The following MAP7D2 variants were observed in gnomAD, a reference collection of about 807,000 sequenced individuals.
MAP7D2 encodes the protein MAP7 domain-containing protein 2.
In MAP7D2, 33 loss-of-function variants were observed where a neutral mutation model predicts 63.5. That is an observed-to-expected ratio of 0.52 (90% CI 0.39 to 0.70). The LOEUF is 0.70. Among genes scored for constraint, MAP7D2 ranks in the 30% least tolerant of loss-of-function variants. The pLI, the probability that MAP7D2 is intolerant of heterozygous loss-of-function variation, is 0.00. For synonymous variants in MAP7D2, 224 were observed against 223.7 expected, an observed-to-expected ratio of 1.00 and a Z score of -0.01; for missense variants, 626 against 604.0, an observed-to-expected ratio of 1.04 and a Z score of -0.38.
At chrX:20,068,636 C>G (rs1435993895) in intron 1 of MAP7D2, among the ~76,000 whole-genome samples, 2 of 111,914 alleles carry the variant, frequency 1.8e-5, no homozygotes, top group African/African-American at 6.5e-5. Flanking sequence ...CCAGTTATTA[C>G]CAAAACACAG....
intron 4 of MAP7D2, 46 bp from the exon 5 acceptor site, chrX:20,053,034 T>C (rs1279728966): frequency 3.1e-6 from 3 of 963,013 alleles, no homozygotes; most frequent in South Asian, 3.9e-5. Flanking sequence ...CACACTACTG[T>C]AGAACCAAGA....
At chrX:20,025,989 G>A (rs1333649101) in intron 8 of MAP7D2, 37 bp from the exon 9 acceptor site, 1 of 1,185,102 alleles carries the variant, frequency 8.4e-7, no homozygotes, top group Admixed American at 2.2e-5. Flanking sequence ...ATGATTACTG[G>A]GCCTGAACAC....
intron 8 of MAP7D2, among the ~76,000 whole-genome samples, chrX:20,032,225 G>A (rs2074071023): frequency 8.9e-6 from 1 of 112,329 alleles, no homozygotes; most frequent in Admixed American, 9.4e-5. Flanking sequence ...AGATATGGCT[G>A]CAAGGAGGGG....
chrX:20,037,491 G>A (rs1056888767), intron 8 of MAP7D2, among the ~76,000 whole-genome samples: 2 of 111,622 alleles, frequency 1.8e-5, no homozygotes, highest in Non-Finnish European at 3.8e-5. Flanking sequence ...TTTACAGATG[G>A]CTGTGGATGA....
At chrX:20,076,701 C>CAA (rs768672531) in intron 1 of MAP7D2, among the ~76,000 whole-genome samples, 1 of 71,785 alleles carries the variant, frequency 1.4e-5, no homozygotes. Context: ...AACTTAGTCT[C>CAA]AAAAAAAAAA....
rs371198244 is a variant in MAP7D2 at position 20,076,849 on chromosome X, T to A, written c.131-12044A>T. Among the ~76,000 whole-genome samples, 94 of 112,899 alleles carry A rather than the reference T, an allele frequency of 8.3e-4. 1 individual carries two copies. Among genetic ancestry groups the A allele is most frequent in the African/African-American group, 3.0e-3 (92 of 31,170 alleles). On this transcript the variant is annotated intron_variant, in intron 1 of 16. Transcript: ENST00000379643. ...GCCCACTAAATTCCCATAGGTTTCC[T>A]TTTAAAACAGCTAACTGAATTACAT...
chrX:20,055,806 G>A, intron 4 of MAP7D2: 1 of 992,192 alleles, frequency 1.0e-6, no homozygotes, highest in Non-Finnish European at 1.3e-6. Flanking sequence ...AAACCTAGAG[G>A]AGGGGGTGGG....
intron 1 of MAP7D2, among the ~76,000 whole-genome samples, chrX:20,095,190 T>A (rs1047480367): frequency 1.8e-5 from 2 of 112,001 alleles, no homozygotes; most frequent in African/African-American, 6.5e-5. Context: ...GTGAGTTATA[T>A]CTCAACAATG....
intron 1 of MAP7D2, among the ~76,000 whole-genome samples, chrX:20,088,981 C>T (rs2065995368): frequency 9.0e-6 from 1 of 111,064 alleles, no homozygotes; most frequent in Non-Finnish European, 1.9e-5. Flanking sequence ...CAGGGTTTCA[C>T]CATGTTGGCC....
intron 10 of MAP7D2, among the ~76,000 whole-genome samples, chrX:20,024,434 G>GT (rs761841340): frequency 8.9e-6 from 1 of 112,029 alleles, no homozygotes; most frequent in Non-Finnish European, 1.9e-5. Context: ...ATACCTCACT[G>GT]TTCTTAGACT....
intron 1 of MAP7D2, among the ~76,000 whole-genome samples, chrX:20,086,314 C>T (rs1372662384): frequency 8.9e-6 from 1 of 111,952 alleles, no homozygotes; most frequent in African/African-American, 3.3e-5. Flanking sequence ...CCACGGGAAC[C>T]CTGTCCTCCC....
In MAP7D2 at chrX:20,108,329, G is replaced by A. The variant is rs775144719; in HGVS notation, c.130+8421C>T. Among the ~76,000 whole-genome samples, 3 of 109,373 alleles carry A rather than the reference G, an allele frequency of 2.7e-5. No homozygotes were observed. In the South Asian group the frequency reaches 1.2e-3, roughly 44 times the overall value. 95.0% of individuals were successfully genotyped at this position (109,373 alleles called of 115,157 possible). On this transcript the variant is annotated intron_variant, in intron 1 of 16. Transcript: ENST00000379643. ...AGCTCACTGCAACCTCCACCTCCCT[G>A]GTTCAAGCGATTCTCGTGCCGCCGC...
intron 15 of MAP7D2, among the ~76,000 whole-genome samples, chrX:20,011,323 A>C (rs963166649): frequency 2.7e-5 from 3 of 111,454 alleles, no homozygotes; most frequent in African/African-American, 9.8e-5. Flanking sequence ...AAAGGGTGAA[A>C]GGACAAAAAC....
At chrX:20,105,600 A>G (rs1210161774) in intron 1 of MAP7D2, among the ~76,000 whole-genome samples, 1 of 112,113 alleles carries the variant, frequency 8.9e-6, no homozygotes, top group Admixed American at 9.5e-5. Flanking sequence ...ACAGTCAATC[A>G]GTACCTATTG....
chrX:20,094,546 A>ATATG (rs2066189202), intron 1 of MAP7D2, among the ~76,000 whole-genome samples: 7 of 8,502 alleles, frequency 8.2e-4, no homozygotes, highest in Non-Finnish European at 9.7e-4. Context: ...ATATATGTAT[A>ATATG]TATATATATA....
At chrX:20,087,795 C>A (rs1220048415) in intron 1 of MAP7D2, among the ~76,000 whole-genome samples, 2 of 109,632 alleles carry the variant, frequency 1.8e-5, no homozygotes, top group South Asian at 3.8e-4. Flanking sequence ...CAGGTCCAGG[C>A]TTAAAAACAT....
Position 20,016,120 on chromosome X carries a change from G to C in MAP7D2, c.1618C>G (p.Gln540Glu), listed in dbSNP as rs780537943. The change falls in exon 11 of 17, where the codon CAA (glutamine) becomes GAA (glutamate). Residue 540 changes from glutamine to glutamate, a missense_variant. Physicochemically the swap from Gln to Glu is conservative, Grantham distance 29. Transcript: ENST00000379643. The stretch of plus-strand genomic sequence containing the variant: ...TGCTTTTCAATCATGGCTTTCTCTT[G>C]TTTTTCTTGTTCTTGCTTTTCTTTC... ...LLKEKQEQEKQEKAMIEKQKE... is the reference protein window; with the variant it reads ...LLKEKQEQEKEEKAMIEKQKE... 4 of 1,207,435 alleles carry C rather than the reference G, an allele frequency of 3.3e-6. No individual in the cohort carries two copies. The Admixed American group carries it at 8.8e-5, about 27-fold the overall frequency.
rs1569141133 is a variant in MAP7D2, at chrX:20,094,546, A to ATG, written c.130+22203_130+22204insCA. Among the ~76,000 whole-genome samples the ATG allele has an allele frequency of 4.0e-3, 34 of 8,500 alleles. 3 individuals are homozygous for ATG. The highest frequency in any genetic ancestry group is 6.2e-3 in the Non-Finnish European group (32 of 5,179). The allele number at this position is 8,500 out of a possible 115,157, so 7.4% of individuals were successfully genotyped here. On this transcript the variant is annotated intron_variant, in intron 1 of 16. Coordinates refer to ENST00000379643, the MANE Select transcript of MAP7D2 (RefSeq NM_001168465.2). ...TATATATATATATATATATATGTAT[A>ATG]TATATATATATATATATATATACAT...
chrX:20,102,793 T>A, intron 1 of MAP7D2, among the ~76,000 whole-genome samples: 1 of 109,474 alleles, frequency 9.1e-6, no homozygotes, highest in South Asian at 4.1e-4. Flanking sequence ...GGAGTCGTTC[T>A]AAGCTATGTG....
Sources: gnomAD v4.1 joint callset for allele counts (sites outside exome capture counted in the v4.1 genomes callset) on GRCh38, gnomAD v4.1.1 for gene constraint, MANE v1.5 for transcripts, NCBI Gene and HGNC (gene_info 2026-07-23, HGNC 2026-07-21) for gene names.